The following ZNHIT6 variants were observed in gnomAD, a reference collection of about 807,000 sequenced individuals.
ZNHIT6 encodes zinc finger HIT-type containing 6.
A neutral mutation model predicts 57.2 loss-of-function variants in ZNHIT6; 45 were observed. The observed-to-expected ratio is 0.79, with a 90% CI of 0.62 to 1.01. The LOEUF is 1.01. Among genes scored for constraint, ZNHIT6 ranks in the 50% least tolerant of loss-of-function variants. The pLI, the probability that ZNHIT6 is intolerant of heterozygous loss-of-function variation, is 0.00. For missense variants in ZNHIT6, 528 were observed against 567.3 expected (o/e 0.93, Z 0.70); for synonymous variants, 188 against 190.0 (o/e 0.99, Z 0.09).
At chr1:85,696,832 T>C (rs1229100439) in intron 5 of ZNHIT6, among the ~76,000 whole-genome samples, 8 of 151,094 alleles carry the variant, frequency 5.3e-5, no homozygotes, top group African/African-American at 1.7e-4. Flanking sequence ...TGTACACATA[T>C]CTTTCTATGA....
At chr1:85,687,597 CTAA>C (rs1307889954) in intron 5 of ZNHIT6, among the ~76,000 whole-genome samples, 1 of 152,114 alleles carries the variant, frequency 6.6e-6, no homozygotes, top group Non-Finnish European at 1.5e-5. Context: ...CTTAACTCTC[CTAA>C]TAAGTGTTTC....
At chr1:85,686,476 T>C (rs1380953749) in intron 5 of ZNHIT6, among the ~76,000 whole-genome samples, 1 of 152,156 alleles carries the variant, frequency 6.6e-6, no homozygotes, top group Non-Finnish European at 1.5e-5. Context: ...AAACGGAGGC[T>C]AAACTCAAAG....
At chr1:85,668,044 C>T (rs2100660935) in intron 8 of ZNHIT6, among the ~76,000 whole-genome samples, 1 of 140,110 alleles carries the variant, frequency 7.1e-6, no homozygotes, top group African/African-American at 2.7e-5. Flanking sequence ...GATTCTCTTG[C>T]AGAATTTTAT....
At chr1:85,675,288 T>C (rs923940741) in intron 8 of ZNHIT6, among the ~76,000 whole-genome samples, 1 of 152,188 alleles carries the variant, frequency 6.6e-6, no homozygotes, top group African/African-American at 2.4e-5. Flanking sequence ...ATGACCTAGC[T>C]CTAGGCATTC....
intron 9 of ZNHIT6, among the ~76,000 whole-genome samples, chr1:85,655,157 C>T (rs773911569): frequency 1.3e-5 from 2 of 152,156 alleles, no homozygotes; most frequent in Non-Finnish European, 2.9e-5. Context: ...CCATCCAGTG[C>T]CTCCATGATA....
intron 5 of ZNHIT6, among the ~76,000 whole-genome samples, chr1:85,701,928 C>T (rs1208464040): frequency 1.6e-5 from 2 of 123,308 alleles, no homozygotes; most frequent in Non-Finnish European, 3.4e-5. Flanking sequence ...AGAAGCTTCT[C>T]AAATGATATG....
At chr1:85,692,718 TAAAA>T (rs11328038) in intron 5 of ZNHIT6, among the ~76,000 whole-genome samples, 1 of 145,254 alleles carries the variant, frequency 6.9e-6, no homozygotes, top group Admixed American at 6.8e-5. Context: ...GATACCATGT[TAAAA>T]AAAAAAAAAA....
rs187805442 is a variant in ZNHIT6 at position 85,656,024 on chromosome 1, C to T, written c.1372+1823G>A. On this transcript the variant is annotated intron_variant, in intron 9 of 9. Transcript: ENST00000370574. ...CAGGATCAAAATCCAACTTTTTTAC[C>T]TCCAGAGAGGGAAGGAATTTCAAGG... 3.9e-3 allele frequency among the ~76,000 whole-genome samples: 597 copies of T among 152,258 alleles called. 9 individuals carry two copies. Among genetic ancestry groups the T allele is most frequent in the African/African-American group, 0.013 (558 of 41,546 alleles).
intron 8 of ZNHIT6, among the ~76,000 whole-genome samples, chr1:85,661,563 T>C (rs1661224631): frequency 6.6e-6 from 1 of 152,230 alleles, no homozygotes; most frequent in Non-Finnish European, 1.5e-5. Context: ...ATTTTAAATG[T>C]AGCCTTACAA....
chr1:85,676,131 G>C (rs549398698), intron 8 of ZNHIT6, among the ~76,000 whole-genome samples: 22 of 152,268 alleles, frequency 1.4e-4, no homozygotes, highest in African/African-American at 5.3e-4. Flanking sequence ...GAGGTCGGGA[G>C]TTTGAGACCA....
chr1:85,706,314 T>G lies in ZNHIT6; in HGVS notation c.764A>C (p.Asn255Thr), dbSNP rs958243742. The G allele has an allele frequency of 2.5e-6, 4 of 1,613,788 alleles. No individual in the cohort carries two copies. Among genetic ancestry groups the G allele is most frequent in the Non-Finnish European group, 3.4e-6 (4 of 1,179,814 alleles). The stretch of plus-strand genomic sequence containing the variant: ...GTATGCAGTTTTATCTCGAACTCCA[T>G]TACATGTCAGTTCTGCTTTGTGTTT... ...VKKHKAELTC[N>T]GVRDKTAYIS... Residue 255 changes from asparagine (N) to threonine (T), a missense_variant, in exon 3 of 10, where the codon AAT becomes ACT. Transcript: ENST00000370574.
At chr1:85,655,753 G>T (rs1306873329) in intron 9 of ZNHIT6, among the ~76,000 whole-genome samples, 1 of 152,136 alleles carries the variant, frequency 6.6e-6, no homozygotes, top group East Asian at 1.9e-4. Context: ...TCAGCACTTA[G>T]CATCTCCAAT....
intron 9 of ZNHIT6, among the ~76,000 whole-genome samples, chr1:85,656,342 A>G (rs1661060679): frequency 6.6e-6 from 1 of 152,178 alleles, no homozygotes; most frequent in Non-Finnish European, 1.5e-5. Flanking sequence ...CCTGTAAATA[A>G]GTCAAACATC....
chr1:85,666,689 T>A (rs1177668559), intron 8 of ZNHIT6, among the ~76,000 whole-genome samples: 1 of 152,198 alleles, frequency 6.6e-6, no homozygotes. Context: ...AAAACTGCTT[T>A]AACAAGAATA....
Position 85,650,924 on chromosome 1 carries a change from A to G in ZNHIT6, c.*3134T>C, listed in dbSNP as rs1420971840. ...ACCTTCCATTAGGCTCTGCCTCCCAACACTAGCACATGGGGAATCTAATTT... is the reference window on the plus strand; with the variant it reads ...ACCTTCCATTAGGCTCTGCCTCCCAGCACTAGCACATGGGGAATCTAATTT... On this transcript the variant is annotated 3_prime_UTR_variant, in exon 10 of 10. Transcript: ENST00000370574. 2 of 152,206 alleles carry G rather than the reference A, an allele frequency of 1.3e-5. No homozygotes were observed. Among genetic ancestry groups the G allele is most frequent in the African/African-American group, 4.8e-5 (2 of 41,436 alleles). The allele number at this position is 152,206 out of a possible 1,614,324, so 9.4% of individuals were successfully genotyped here. A position where few individuals can be genotyped will look rare whatever the true frequency, so the allele number is the denominator to read the frequency against.
chr1:85,660,767 T>C (rs896270221), intron 8 of ZNHIT6, among the ~76,000 whole-genome samples: 1 of 152,162 alleles, frequency 6.6e-6, no homozygotes, highest in African/African-American at 2.4e-5. Context: ...GGTTCCTGTT[T>C]TACATGCTAA....
chr1:85,687,308 A>ACAAAC (rs1662088578), intron 5 of ZNHIT6, among the ~76,000 whole-genome samples: 1 of 145,142 alleles, frequency 6.9e-6, no homozygotes, highest in African/African-American at 2.5e-5. Context: ...ACAAAAAAAA[A>ACAAAC]AAACAATTTA....
chr1:85,665,545 A>G lies in ZNHIT6; in HGVS notation c.1248-7574T>C, dbSNP rs534939465. 4.6e-5 allele frequency among the ~76,000 whole-genome samples: 7 copies of G among 152,246 alleles called. No homozygotes were observed. In the South Asian group the frequency reaches 1.2e-3, roughly 27 times the overall value. On this transcript the variant is annotated intron_variant, in intron 8 of 9. Transcript: ENST00000370574. ...TTTTTCTTGTGATAAGAACACTTAA[A>G]ATGTACCCTCTTAGCAAATTTCAAG...
At chr1:85,693,398 G>C (rs1249637988) in intron 5 of ZNHIT6, among the ~76,000 whole-genome samples, 2 of 152,148 alleles carry the variant, frequency 1.3e-5, no homozygotes, top group Non-Finnish European at 2.9e-5. Flanking sequence ...GAAAGAAACA[G>C]AGGTTCCAGG....
Sources: allele counts gnomAD v4.1 joint callset (sites outside exome capture counted in the v4.1 genomes callset), GRCh38; gene constraint gnomAD v4.1.1; transcripts MANE v1.5; gene names NCBI Gene and HGNC (gene_info 2026-07-23, HGNC 2026-07-21).